NFE2L3: variants seen among roughly 807,000 people sequenced by gnomAD.
NFE2L3 encodes NFE2 like bZIP transcription factor 3.
Under a neutral mutation model 23.5 loss-of-function variants are expected in NFE2L3, and 18 were observed. The observed-to-expected ratio is 0.77, with a 90% CI of 0.53 to 1.13. The LOEUF (loss-of-function observed/expected upper bound fraction) is 1.13, where lower values mean the gene tolerates loss of function less well. Ranked by LOEUF, NFE2L3 falls within the 50% of genes most tolerant of loss-of-function variation. The pLI is 0.00. For synonymous variants in NFE2L3, 424 were observed against 354.5 expected (o/e 1.20, Z -2.20); for missense variants, 1,152 against 877.2 (o/e 1.31, Z -3.96).
chr7:26,168,644 C>A (rs911360555), intron 1 of NFE2L3, among the ~76,000 whole-genome samples: 2 of 151,140 alleles, frequency 1.3e-5, no homozygotes, highest in African/African-American at 4.9e-5. Flanking sequence ...TGTGCTGATA[C>A]CACATTTTTG....
intron 1 of NFE2L3, among the ~76,000 whole-genome samples, chr7:26,159,251 T>C (rs1039250672): frequency 2.0e-5 from 3 of 152,186 alleles, no homozygotes; most frequent in Non-Finnish European, 4.4e-5. Flanking sequence ...AACCCTATGA[T>C]CTCCTGCCCT....
intron 2 of NFE2L3, among the ~76,000 whole-genome samples, chr7:26,182,666 G>C (rs1457580000): frequency 6.6e-6 from 1 of 152,012 alleles, no homozygotes; most frequent in Non-Finnish European, 1.5e-5. Context: ...TACTGCTCAG[G>C]TCCTCTCTAA....
In NFE2L3 at chr7:26,185,372, T is replaced by C. The variant is rs1782455557; in HGVS notation, c.1674T>C (p.Pro558=). ...PFSVDEIVGM[P]VDSFNSMLSR... ...CTGTAGATGAAATTGTCGGCATGCC[T>C]GTTGATTCTTTCAATAGCATGTTAA... Residue 558 remains proline (P), a synonymous_variant, in exon 4 of 4, where the codon CCT becomes CCC. Transcript: ENST00000056233. 1.9e-6 allele frequency: 3 copies of C among 1,614,028 alleles called. No individual in the cohort carries two copies. The highest frequency in any genetic ancestry group is 2.2e-5 in the South Asian group (2 of 91,084).
Position 26,184,738 on chromosome 7 carries a change from CTCA to C in NFE2L3, c.1042_1044del (p.His348del). On this transcript the variant is annotated inframe_deletion, in exon 4 of 4. Coordinates refer to ENST00000056233, the MANE Select transcript of NFE2L3 (RefSeq NM_004289.7). ...CAAGAACCATTTCTGCAGTTAAATT[CTCA>C]TACCACCAATCCTGAGCAAACCCTT... 1 of 1,613,948 alleles carries C rather than the reference CTCA, an allele frequency of 6.2e-7. No individual in the cohort carries two copies. Among genetic ancestry groups the C allele is most frequent in the Non-Finnish European group, 8.5e-7 (1 of 1,179,854 alleles).
chr7:26,171,498 C>T (rs1004990938), intron 1 of NFE2L3, among the ~76,000 whole-genome samples: 5 of 150,820 alleles, frequency 3.3e-5, no homozygotes, highest in African/African-American at 4.9e-5. Flanking sequence ...GAGCTGAGAT[C>T]GCGCCATTGC....
chr7:26,180,253 G>A (rs1161198776), intron 2 of NFE2L3, among the ~76,000 whole-genome samples: 1 of 152,126 alleles, frequency 6.6e-6, no homozygotes, highest in Admixed American at 6.5e-5. Context: ...CAGATGAAGG[G>A]GAGGGGGTAG....
At chr7:26,183,661 T>C (rs754197462) in intron 2 of NFE2L3, 40 bp from the exon 3 acceptor site, 1 of 1,279,212 alleles carries the variant, frequency 7.8e-7, no homozygotes, top group Admixed American at 1.7e-5. Flanking sequence ...ACCAGTTCAG[T>C]CTTTTATGTG....
At chr7:26,163,653 CTTTA>C (rs1011872679) in intron 1 of NFE2L3, among the ~76,000 whole-genome samples, 23 of 152,102 alleles carry the variant, frequency 1.5e-4, no homozygotes, top group African/African-American at 4.1e-4. Flanking sequence ...GGCCAGGATT[CTTTA>C]TTTATTTATT....
At chr7:26,166,228 T>A (rs770922175) in intron 1 of NFE2L3, among the ~76,000 whole-genome samples, 1 of 152,080 alleles carries the variant, frequency 6.6e-6, no homozygotes, top group Non-Finnish European at 1.5e-5. Flanking sequence ...GACAGGGACG[T>A]TGGAGTGCCC....
At chr7:26,176,544 C>G in intron 1 of NFE2L3, among the ~76,000 whole-genome samples, 1 of 120,914 alleles carries the variant, frequency 8.3e-6, no homozygotes, top group Non-Finnish European at 1.7e-5. Flanking sequence ...ACATCCCAGA[C>G]GGGGTGGCCA....
intron 1 of NFE2L3, among the ~76,000 whole-genome samples, chr7:26,168,389 G>A (rs1042097366): frequency 1.4e-4 from 9 of 66,464 alleles, no homozygotes; most frequent in African/African-American, 4.3e-4. Context: ...CACCTGCCTC[G>A]CCTCCCAAAA....
At chr7:26,178,411 A>G (rs756932881) in intron 2 of NFE2L3, among the ~76,000 whole-genome samples, 7 of 152,168 alleles carry the variant, frequency 4.6e-5, no homozygotes, top group Non-Finnish European at 1.0e-4. Context: ...TTGCCAAGGC[A>G]AGTGATGAAG....
intron 1 of NFE2L3, among the ~76,000 whole-genome samples, chr7:26,172,532 AT>A (rs1784341736): frequency 6.6e-6 from 1 of 152,122 alleles, no homozygotes; most frequent in Non-Finnish European, 1.5e-5. Context: ...TCTACAGTCC[AT>A]TTTCAGAATC....
At position 26,185,906 on chromosome 7, in the gene NFE2L3, C is replaced by CAGTTA. The variant is rs1554325751; in HGVS notation, c.*125_*129dup. On this transcript the variant is annotated 3_prime_UTR_variant, in exon 4 of 4. Coordinates refer to ENST00000056233, the MANE Select transcript of NFE2L3 (RefSeq NM_004289.7). Reference sequence around the variant, plus strand: ...TTTAAGTACTGCTACTTGAATAACTCAGTTAACGCTGTTTTGAAGCTTACA... The same window carrying CAGTTA: ...TTTAAGTACTGCTACTTGAATAACTCAGTTAAGTTAACGCTGTTTTGAAGCTTACA... 1.2e-6 allele frequency: 1 copy of CAGTTA among 808,334 alleles called. No homozygotes were observed. Among genetic ancestry groups the CAGTTA allele is most frequent in the Non-Finnish European group, 1.9e-6 (1 of 528,580 alleles). The allele number at this position is 808,334 out of a possible 1,614,324, so 50.1% of individuals were successfully genotyped here. A position where few individuals can be genotyped will look rare whatever the true frequency, so the allele number is the denominator to read the frequency against.
At chr7:26,177,911 T>A in intron 1 of NFE2L3, 32 bp from the exon 2 acceptor site, 2 of 1,591,194 alleles carry the variant, frequency 1.3e-6, no homozygotes, top group Non-Finnish European at 8.6e-7. Flanking sequence ...AAAGACTGTT[T>A]GCTTATTTGA....
At chr7:26,165,491 T>A (rs944453725) in intron 1 of NFE2L3, among the ~76,000 whole-genome samples, 1 of 152,246 alleles carries the variant, frequency 6.6e-6, no homozygotes, top group African/African-American at 2.4e-5. Flanking sequence ...TTTTGCACAT[T>A]GATTTTGTAT....
chr7:26,177,999 G>T lies in NFE2L3; in HGVS notation c.627G>T (p.Glu209Asp), dbSNP rs1241392028. The T allele has an allele frequency of 1.9e-6, 3 of 1,613,972 alleles. No homozygotes were observed. Among genetic ancestry groups the T allele is most frequent in the African/African-American group, 1.3e-5 (1 of 74,888 alleles). ...CTGTGGATCATAGTTCCCAGCATGA[G>T]GAAAATGAAGAAAGGGTGTCAGCCC... ...HEAVDHSSQHEENEERVSAQK... is the reference protein window; with the variant it reads ...HEAVDHSSQHDENEERVSAQK... Residue 209 changes from glutamate to aspartate, a missense_variant, in exon 2 of 4, where the codon GAG (glutamate) becomes GAT (aspartate). Transcript: ENST00000056233.
intron 2 of NFE2L3, 141 bp from the exon 3 acceptor site, chr7:26,183,560 G>A (rs937160217): frequency 1.8e-5 from 11 of 613,458 alleles, no homozygotes; most frequent in Admixed American, 5.9e-5. Flanking sequence ...ATAATAAAAA[G>A]TAGAACTTCC....
At position 26,162,050 on chromosome 7, in the gene NFE2L3, C is replaced by T. The variant is rs11982270; in HGVS notation, c.570+8982C>T. ...CCCAGCTACTTGGGAGGCTGAGGCACGAGAATCGCTTGAACCCGGGAGGTG... is the reference window on the plus strand; with the variant it reads ...CCCAGCTACTTGGGAGGCTGAGGCATGAGAATCGCTTGAACCCGGGAGGTG... On this transcript the variant is annotated intron_variant, in intron 1 of 3. Coordinates refer to ENST00000056233, the MANE Select transcript of NFE2L3 (RefSeq NM_004289.7). Among the ~76,000 whole-genome samples the T allele has an allele frequency of 5.2e-3, 787 of 150,700 alleles. 8 individuals are homozygous for T. The highest frequency in any genetic ancestry group is 0.018 in the African/African-American group (731 of 40,932).
Sources: gnomAD v4.1 joint callset for allele counts (sites outside exome capture counted in the v4.1 genomes callset) on GRCh38, gnomAD v4.1.1 for gene constraint, MANE v1.5 for transcripts, NCBI Gene and HGNC (gene_info 2026-07-23, HGNC 2026-07-21) for gene names.